The following COL4A1 variants were observed in gnomAD, a reference collection of about 807,000 sequenced individuals.
The protein encoded by COL4A1 is collagen alpha-1(IV) chain.
In COL4A1, 40 loss-of-function variants were observed where a neutral mutation model predicts 216.6. That is an observed-to-expected ratio of 0.18 (90% CI 0.14 to 0.24). COL4A1 has a LOEUF of 0.24. COL4A1 is among the 10% of genes least tolerant of loss of function. The probability of loss-of-function intolerance (pLI) is 1.00; values close to 1 mark genes in which losing one functional copy is unlikely to be tolerated. For synonymous variants in COL4A1, 839 were observed against 810.7 expected (o/e 1.03, Z -0.59); for missense variants, 1,628 against 2,196.8 (o/e 0.74, Z 5.18).
At position 110,225,944 on chromosome 13, in the gene COL4A1, A is replaced by AATG. The variant is rs1304982365; in HGVS notation, c.145-11930_145-11929insCAT. Among the ~76,000 whole-genome samples, 3 of 152,232 alleles carry AATG rather than the reference A, an allele frequency of 2.0e-5. No homozygotes were observed. In the East Asian group the frequency reaches 5.8e-4, roughly 29 times the overall value. ...ATTATTTTAAAAATCAAACGTGCTC[A>AATG]AGTATTCAGTTAAATGCTGTACAAA... On this transcript the variant is annotated intron_variant, in intron 2 of 51. Coordinates refer to ENST00000375820, the MANE Select transcript of COL4A1 (RefSeq NM_001845.6).
Position 110,253,151 on chromosome 13 carries a change from C to T in COL4A1, c.85-10417G>A, listed in dbSNP as rs866207729. 1.7e-4 allele frequency among the ~76,000 whole-genome samples: 19 copies of T among 112,432 alleles called. 2 individuals are homozygous for T. The highest frequency in any genetic ancestry group is 5.8e-4 in the African/African-American group (16 of 27,450). 73.8% of individuals were successfully genotyped at this position (112,432 alleles called of 152,430 possible). On this transcript the variant is annotated intron_variant, in intron 1 of 51. Coordinates refer to ENST00000375820, the MANE Select transcript of COL4A1 (RefSeq NM_001845.6). ...TTATATATACATATAACTATATGTACGTATTATATATACATATAACTATAT... is the reference window on the plus strand; with the variant it reads ...TTATATATACATATAACTATATGTATGTATTATATATACATATAACTATAT...
chr13:110,152,031 T>C lies in COL4A1; in HGVS notation c.4928+303A>G, dbSNP rs562746134. On this transcript the variant is annotated intron_variant, in intron 51 of 51. Transcript: ENST00000375820. ...CCCCGGGATTGTTAAATATACTGTA[T>C]TTCAAACATGCTCTGTTTGGAGATT... 2.0e-5 allele frequency among the ~76,000 whole-genome samples: 3 copies of C among 152,342 alleles called. No individual in the cohort carries two copies. The South Asian group carries it at 6.2e-4, about 32-fold the overall frequency.
At chr13:110,288,212 C>T (rs1883917700) in intron 1 of COL4A1, among the ~76,000 whole-genome samples, 1 of 150,740 alleles carries the variant, frequency 6.6e-6, no homozygotes, top group African/African-American at 2.4e-5. Flanking sequence ...TGCAGTGAGC[C>T]GAGATCGTGC....
intron 28 of COL4A1, among the ~76,000 whole-genome samples, chr13:110,181,834 T>A (rs976947056): frequency 3.9e-5 from 6 of 152,198 alleles, no homozygotes; most frequent in Admixed American, 1.3e-4. Flanking sequence ...ACAGGATCTG[T>A]CACTGAAGGA....
intron 17 of COL4A1, 28 bp from the exon 18 acceptor site, chr13:110,203,635 C>A (rs201729060): frequency 2.0e-5 from 32 of 1,612,504 alleles, no homozygotes; most frequent in Admixed American, 6.7e-5. Context: ...ACTTTCCTTG[C>A]ATATTCTTAC....
At chr13:110,265,052 G>A (rs946688676) in intron 1 of COL4A1, among the ~76,000 whole-genome samples, 13 of 152,242 alleles carry the variant, frequency 8.5e-5, no homozygotes, top group Non-Finnish European at 1.3e-4. Flanking sequence ...TGTGGGCGCC[G>A]TCCCACCATC....
intron 46 of COL4A1, 47 bp from the exon 47 acceptor site, chr13:110,163,608 G>GT: frequency 6.6e-7 from 1 of 1,512,830 alleles, no homozygotes; most frequent in African/African-American, 1.4e-5. Flanking sequence ...GCAGTAAGCT[G>GT]TATCTCTTTC....
chr13:110,184,680 C>CTGTG (rs35682248), intron 26 of COL4A1, among the ~76,000 whole-genome samples: 4,430 of 150,118 alleles, frequency 0.03, 214 homozygotes, highest in African/African-American at 0.1. Flanking sequence ...AGGAACTGGA[C>CTGTG]TGTGTGTGTG....
At chr13:110,184,235 G>T (rs985520514) in intron 26 of COL4A1, among the ~76,000 whole-genome samples, 3 of 152,194 alleles carry the variant, frequency 2.0e-5, no homozygotes. Flanking sequence ...CTCCCCAGAA[G>T]CCTTCTTCCC....
chr13:110,226,115 C>T (rs1417995651), intron 2 of COL4A1, among the ~76,000 whole-genome samples: 2 of 151,990 alleles, frequency 1.3e-5, no homozygotes, highest in African/African-American at 4.8e-5. Flanking sequence ...AAAGGCCACA[C>T]TGCTAGTGTT....
intron 1 of COL4A1, among the ~76,000 whole-genome samples, chr13:110,262,470 A>C (rs1351876703): frequency 6.6e-6 from 1 of 152,246 alleles, no homozygotes; most frequent in Non-Finnish European, 1.5e-5. Flanking sequence ...ATTTTTCAGA[A>C]GTTCCTTTCA....
intron 2 of COL4A1, among the ~76,000 whole-genome samples, chr13:110,226,331 T>C (rs1880735660): frequency 6.6e-6 from 1 of 152,244 alleles, no homozygotes; most frequent in African/African-American, 2.4e-5. Flanking sequence ...CCATTTATTC[T>C]GTCAGGTCAG....
intron 1 of COL4A1, among the ~76,000 whole-genome samples, chr13:110,245,962 T>TA (rs60354664): frequency 0.12 from 18,471 of 152,154 alleles, 1,341 homozygotes; most frequent in Non-Finnish European, 0.17. Context: ...TAATTTTTTT[T>TA]AATCCTGGAC....
chr13:110,203,798 C>T (rs1283748805), intron 17 of COL4A1, among the ~76,000 whole-genome samples, 191 bp from the exon 18 acceptor site: 4 of 152,164 alleles, frequency 2.6e-5, no homozygotes, highest in Non-Finnish European at 4.4e-5. Context: ...GCTTTGCACA[C>T]GCATGACACA....
chr13:110,249,826 A>C (rs542802536), intron 1 of COL4A1, among the ~76,000 whole-genome samples: 2 of 152,344 alleles, frequency 1.3e-5, no homozygotes, highest in South Asian at 4.1e-4. Flanking sequence ...TTGTAGTACA[A>C]ATAATGATTT....
intron 1 of COL4A1, among the ~76,000 whole-genome samples, chr13:110,279,299 G>A (rs1448286597): frequency 2.0e-5 from 3 of 152,092 alleles, no homozygotes; most frequent in Non-Finnish European, 4.4e-5. Flanking sequence ...GAGGTTTTCT[G>A]GAGTCCAGTT....
chr13:110,156,878 CTGTG>C (rs879689726), intron 49 of COL4A1, among the ~76,000 whole-genome samples: 1 of 151,630 alleles, frequency 6.6e-6, no homozygotes, highest in Non-Finnish European at 1.5e-5. Flanking sequence ...GTGTGTCTGT[CTGTG>C]TGTGTGTGTA....
At chr13:110,187,068 T>C (rs1281370635) in intron 25 of COL4A1, 70 bp downstream of exon 25, 1 of 1,556,004 alleles carries the variant, frequency 6.4e-7, no homozygotes, top group African/African-American at 1.4e-5. Context: ...ATGATTCAAA[T>C]TACTCATTTC....
At chr13:110,234,059 A>G (rs1881187887) in intron 2 of COL4A1, among the ~76,000 whole-genome samples, 1 of 152,222 alleles carries the variant, frequency 6.6e-6, no homozygotes, top group African/African-American at 2.4e-5. Context: ...TGCTATTCAC[A>G]TGACACGCAT....
Sources: allele counts gnomAD v4.1 joint callset (sites outside exome capture counted in the v4.1 genomes callset), GRCh38; gene constraint gnomAD v4.1.1; transcripts MANE v1.5; gene names NCBI Gene and HGNC (gene_info 2026-07-23, HGNC 2026-07-21).